The following KCNK5 variants were observed in gnomAD, a reference collection of about 807,000 sequenced individuals.
The protein encoded by KCNK5 is potassium channel subfamily K member 5.
A neutral mutation model predicts 32.9 loss-of-function variants in KCNK5; 18 were observed. The ratio of observed to expected loss-of-function variants is 0.55; its 90% CI spans 0.38 to 0.81. The LOEUF is 0.81. Ranked by LOEUF, KCNK5 falls within the 30% of genes least tolerant of loss-of-function variation. The probability of loss-of-function intolerance (pLI) is 0.00; values close to 1 mark genes in which losing one functional copy is unlikely to be tolerated. For synonymous variants in KCNK5, 276 were observed against 275.3 expected, an observed-to-expected ratio of 1.00 and a Z score of -0.03; for missense variants, 507 against 651.0, an observed-to-expected ratio of 0.78 and a Z score of 2.41.
chr6:39,201,665 C>G (rs181263309), intron 1 of KCNK5, among the ~76,000 whole-genome samples: 102 of 152,272 alleles, frequency 6.7e-4, no homozygotes, highest in African/African-American at 2.4e-3. Flanking sequence ...CTTGGTAGTA[C>G]AGAAAGAAAC....
At chr6:39,202,431 C>G (rs1160775234) in intron 1 of KCNK5, among the ~76,000 whole-genome samples, 1 of 152,026 alleles carries the variant, frequency 6.6e-6, no homozygotes, top group Non-Finnish European at 1.5e-5. Flanking sequence ...TGGGGATCAC[C>G]AGGTTGAGAG....
rs183624329 is a variant in KCNK5 at position 39,219,923 on chromosome 6, C to T, written c.186+9003G>A. 3.9e-5 allele frequency among the ~76,000 whole-genome samples: 6 copies of T among 152,296 alleles called. No homozygotes were observed. In the East Asian group the frequency reaches 9.6e-4, roughly 24 times the overall value. ...CTCCAAGCCTTTCTGAATGAATGGACGAGTCCAGAGAGGGAAAATATGGCC... is the reference window on the plus strand; with the variant it reads ...CTCCAAGCCTTTCTGAATGAATGGATGAGTCCAGAGAGGGAAAATATGGCC... On this transcript the variant is annotated intron_variant, in intron 1 of 4. Transcript: ENST00000359534.
chr6:39,201,392 C>CGTTTCT (rs1315359174), intron 1 of KCNK5, among the ~76,000 whole-genome samples: 3 of 152,066 alleles, frequency 2.0e-5, no homozygotes, highest in Non-Finnish European at 4.4e-5. Context: ...GCTGGGATTA[C>CGTTTCT]AGGCAGGTGC....
chr6:39,202,977 C>G (rs1026744122), intron 1 of KCNK5, among the ~76,000 whole-genome samples: 1 of 152,182 alleles, frequency 6.6e-6, no homozygotes, highest in African/African-American at 2.4e-5. Flanking sequence ...ACCTAGGACT[C>G]AGTAAGCACT....
intron 1 of KCNK5, among the ~76,000 whole-genome samples, chr6:39,219,212 G>T (rs574922416): frequency 1.3e-5 from 2 of 152,132 alleles, no homozygotes; most frequent in Admixed American, 1.3e-4. Flanking sequence ...GGGGGATAGG[G>T]GAAGAAGAAG....
At chr6:39,199,463 C>G (rs1448810145) in intron 1 of KCNK5, among the ~76,000 whole-genome samples, 1 of 152,172 alleles carries the variant, frequency 6.6e-6, no homozygotes, top group Non-Finnish European at 1.5e-5. Context: ...TCTAGTATCC[C>G]TCTGTGGTTG....
Position 39,194,794 on chromosome 6 carries a change from G to C in KCNK5, c.299-34C>G. ...GGAGAGAGTGAGGCCAAGAACAGGA[G>C]GGGTGGTCAAACCAGTGGGCCTTGC... On this transcript the variant is annotated intron_variant, in intron 2 of 4. Transcript: ENST00000359534. This position sits in a 1 kb window ranked among gnomAD's most constrained non-coding sequence, Gnocchi z 4.7. The C allele has an allele frequency of 2.5e-6, 4 of 1,606,632 alleles. No homozygotes were observed. Among genetic ancestry groups the C allele is most frequent in the Non-Finnish European group, 3.4e-6 (4 of 1,174,456 alleles).
At chr6:39,204,235 G>A (rs1422249673) in intron 1 of KCNK5, among the ~76,000 whole-genome samples, 1 of 152,228 alleles carries the variant, frequency 6.6e-6, no homozygotes, top group Non-Finnish European at 1.5e-5. Context: ...AAGAAGGCAG[G>A]CAGGCCAAAT....
intron 1 of KCNK5, among the ~76,000 whole-genome samples, chr6:39,212,849 C>T (rs1771366078): frequency 6.6e-6 from 1 of 152,248 alleles, no homozygotes; most frequent in Non-Finnish European, 1.5e-5. Context: ...AAGCATTCCA[C>T]AGCACTGCTG....
Position 39,229,227 on chromosome 6 carries a change from T to C in KCNK5, c.-116A>G. ...TGAATTTGGAGCTCCGCATGCGCAGTGCCCGGTACTCACCCCCCGCAAGCA... is the reference window on the plus strand; with the variant it reads ...TGAATTTGGAGCTCCGCATGCGCAGCGCCCGGTACTCACCCCCCGCAAGCA... On this transcript the variant is annotated 5_prime_UTR_variant, in exon 1 of 5. Coordinates refer to ENST00000359534, the MANE Select transcript of KCNK5 (RefSeq NM_003740.4). 2.0e-6 allele frequency: 2 copies of C among 1,010,798 alleles called. No homozygotes were observed. Among genetic ancestry groups the C allele is most frequent in the Non-Finnish European group, 2.9e-6 (2 of 695,268 alleles). The allele number at this position is 1,010,798 out of a possible 1,614,324, so 62.6% of individuals were successfully genotyped here. A position where few individuals can be genotyped will look rare whatever the true frequency, so the allele number is the denominator to read the frequency against.
chr6:39,215,129 C>T (rs1318298509), intron 1 of KCNK5, among the ~76,000 whole-genome samples: 1 of 152,168 alleles, frequency 6.6e-6, no homozygotes, highest in African/African-American at 2.4e-5. Flanking sequence ...CTGGGCCATG[C>T]ATTTGGGTGG....
Position 39,191,437 on chromosome 6 carries a change from C to T in KCNK5, c.953G>A (p.Gly318Asp). ...CCCTGGGCCCGGGCCCGTCTCCCCA[C>T]CCCCGCTTGTCTTCATGGCCTTCTT... ...IGKKAMKTSG[G>D]GETGPGPGLG... is the part of the protein sequence containing the mutation. Residue 318 changes from glycine to aspartate, a missense_variant, in exon 5 of 5, where the codon GGT becomes GAT. Transcript: ENST00000359534. This position sits in a 1 kb window ranked among gnomAD's most constrained non-coding sequence, Gnocchi z 5.8. The T allele has an allele frequency of 6.2e-7, 1 of 1,613,150 alleles. No homozygotes were observed. Among genetic ancestry groups the T allele is most frequent in the Non-Finnish European group, 8.5e-7 (1 of 1,179,910 alleles).
At chr6:39,200,890 G>T (rs76035928) in intron 1 of KCNK5, among the ~76,000 whole-genome samples, 2,940 of 152,330 alleles carry the variant, frequency 0.019, 98 homozygotes, top group African/African-American at 0.066. Flanking sequence ...GAGGGATCTA[G>T]ATTGGGGCTT....
intron 1 of KCNK5, among the ~76,000 whole-genome samples, chr6:39,226,865 G>A (rs922098907): frequency 2.6e-5 from 4 of 152,148 alleles, no homozygotes; most frequent in Non-Finnish European, 4.4e-5. Flanking sequence ...CCGGGGATGA[G>A]GACAGGGCTG....
intron 1 of KCNK5, among the ~76,000 whole-genome samples, chr6:39,208,537 A>G (rs1771270492): frequency 1.3e-5 from 2 of 152,234 alleles, no homozygotes; most frequent in African/African-American, 4.8e-5. Flanking sequence ...GCTGCAGTCC[A>G]AGCCCATTTC....
At chr6:39,204,189 C>T (rs1276754293) in intron 1 of KCNK5, among the ~76,000 whole-genome samples, 2 of 152,268 alleles carry the variant, frequency 1.3e-5, no homozygotes, top group African/African-American at 2.4e-5. Flanking sequence ...CTCAGATTTG[C>T]TCTGATATCT....
chr6:39,201,777 T>C (rs1771137429), intron 1 of KCNK5, among the ~76,000 whole-genome samples: 1 of 152,234 alleles, frequency 6.6e-6, no homozygotes, highest in Non-Finnish European at 1.5e-5. Flanking sequence ...TAAGCACTTA[T>C]GAAGACAAGC....
intron 1 of KCNK5, among the ~76,000 whole-genome samples, chr6:39,226,987 G>A (rs1771683576): frequency 6.6e-6 from 1 of 152,010 alleles, no homozygotes; most frequent in Non-Finnish European, 1.5e-5. Context: ...GGGGGTAAAT[G>A]TTGACAGATT....
chr6:39,202,995 T>C (rs952412041), intron 1 of KCNK5, among the ~76,000 whole-genome samples: 2 of 152,100 alleles, frequency 1.3e-5, no homozygotes, highest in African/African-American at 4.8e-5. Context: ...ACTGGATAAA[T>C]GTATCTGCAA....
Sources: allele counts gnomAD v4.1 joint callset (sites outside exome capture counted in the v4.1 genomes callset), GRCh38; gene constraint gnomAD v4.1.1; non-coding constraint Gnocchi (gnomAD v3.1); transcripts MANE v1.5; gene names NCBI Gene and HGNC (gene_info 2026-07-23, HGNC 2026-07-21).